Variants in PDE3A observed in about 807,000 individuals in gnomAD.
PDE3A encodes cGMP-inhibited 3',5'-cyclic phosphodiesterase 3A.
In PDE3A, 43 loss-of-function variants were observed where a neutral mutation model predicts 98.3. That is an observed-to-expected ratio of 0.44 (90% CI 0.34 to 0.56). The LOEUF (loss-of-function observed/expected upper bound fraction) is 0.56. Among genes scored for constraint, PDE3A ranks in the 20% least tolerant of loss-of-function variants. The pLI, the probability that PDE3A is intolerant of heterozygous loss-of-function variation, is 0.01. For missense variants in PDE3A, 1,427 were observed against 1,440.7 expected (o/e 0.99, Z 0.15); for synonymous variants, 663 against 567.9 (o/e 1.17, Z -2.38).
chr12:20,638,048 A>G (rs930646875), intron 9 of PDE3A, among the ~76,000 whole-genome samples: 10 of 152,134 alleles, frequency 6.6e-5, no homozygotes, highest in African/African-American at 2.2e-4. Flanking sequence ...AGACCATCAA[A>G]CTTGTGAATA....
At position 20,684,039 on chromosome 12, in the gene PDE3A, T is replaced by G. The variant is rs374312842; in HGVS notation, c.*3768T>G. On this transcript the variant is annotated 3_prime_UTR_variant, in exon 16 of 16. Transcript: ENST00000359062. Reference sequence around the variant, plus strand: ...TTAAATGATGGAAAAATATAAATTATTTTCTAAGTAATAAAAGTATAAAAA... The same window carrying G: ...TTAAATGATGGAAAAATATAAATTAGTTTCTAAGTAATAAAAGTATAAAAA... 6.6e-6 allele frequency: 1 copy of G among 152,242 alleles called. No individual in the cohort carries two copies. Among genetic ancestry groups the G allele is most frequent in the South Asian group, 2.1e-4 (1 of 4,826 alleles). 9.4% of individuals were successfully genotyped at this position (152,242 alleles called of 1,614,324 possible). A position where few individuals can be genotyped will look rare whatever the true frequency, so the allele number is the denominator to read the frequency against.
At chr12:20,461,662 C>T (rs1015330596) in intron 1 of PDE3A, among the ~76,000 whole-genome samples, 2 of 152,070 alleles carry the variant, frequency 1.3e-5, no homozygotes, top group African/African-American at 4.8e-5. Context: ...TTGGGCCCAA[C>T]CCAGTAACTA....
rs569656476 is a variant in PDE3A at position 20,445,073 on chromosome 12, A to G, written c.960+74829A>G. Reference sequence around the variant, plus strand: ...CTGCTAGTAAAATAACTCCAAAGCAAGTGAAACTGGCAGTAATTGCACAAG... The same window carrying G: ...CTGCTAGTAAAATAACTCCAAAGCAGGTGAAACTGGCAGTAATTGCACAAG... On this transcript the variant is annotated intron_variant, in intron 1 of 15. Transcript: ENST00000359062. Among the ~76,000 whole-genome samples the G allele has an allele frequency of 2.0e-5, 3 of 152,312 alleles. No individual in the cohort carries two copies. In the East Asian group the frequency reaches 5.8e-4, roughly 29 times the overall value.
At chr12:20,630,649 T>C (rs1944357008) in intron 6 of PDE3A, among the ~76,000 whole-genome samples, 1 of 152,192 alleles carries the variant, frequency 6.6e-6, no homozygotes, top group African/African-American at 2.4e-5. Flanking sequence ...TTCTATCATG[T>C]TGAAACAAAA....
At chr12:20,614,414 G>GTTAT (rs1943948881) in intron 3 of PDE3A, among the ~76,000 whole-genome samples, 1 of 151,784 alleles carries the variant, frequency 6.6e-6, no homozygotes, top group Non-Finnish European at 1.5e-5. Context: ...ATTCAGCACA[G>GTTAT]TTATTTATTT....
At chr12:20,650,321 C>T in intron 13 of PDE3A, 124 bp from the exon 14 acceptor site, 2 of 498,756 alleles carry the variant, frequency 4.0e-6, no homozygotes, top group South Asian at 5.0e-5. Context: ...CTAGAGGTTC[C>T]CAATTATTTG....
intron 1 of PDE3A, among the ~76,000 whole-genome samples, chr12:20,452,007 T>A (rs1217585613): frequency 6.6e-6 from 1 of 152,190 alleles, no homozygotes; most frequent in Non-Finnish European, 1.5e-5. Flanking sequence ...GAACAGTATC[T>A]CTCATCACCT....
At chr12:20,446,672 A>G (rs1021761830) in intron 1 of PDE3A, among the ~76,000 whole-genome samples, 20 of 152,170 alleles carry the variant, frequency 1.3e-4, no homozygotes, top group African/African-American at 4.6e-4. Flanking sequence ...AGTTAACAAT[A>G]GGTAAATCTT....
chr12:20,468,673 A>G (rs565099078), intron 1 of PDE3A, among the ~76,000 whole-genome samples: 1 of 152,106 alleles, frequency 6.6e-6, no homozygotes, highest in Non-Finnish European at 1.5e-5. Context: ...TAATTATTTC[A>G]CTGTGGTTAT....
chr12:20,573,845 A>G (rs1942863485), intron 2 of PDE3A, among the ~76,000 whole-genome samples: 1 of 152,130 alleles, frequency 6.6e-6, no homozygotes, highest in Non-Finnish European at 1.5e-5. Context: ...AAATAACTAC[A>G]AGGTCAATCT....
At chr12:20,583,746 A>G (rs1262911251) in intron 2 of PDE3A, among the ~76,000 whole-genome samples, 1 of 152,208 alleles carries the variant, frequency 6.6e-6, no homozygotes, top group Admixed American at 6.5e-5. Flanking sequence ...TATTTAATTT[A>G]CTGTTACTAA....
At chr12:20,426,806 T>C (rs1447284521) in intron 1 of PDE3A, among the ~76,000 whole-genome samples, 3 of 152,222 alleles carry the variant, frequency 2.0e-5, no homozygotes, top group African/African-American at 4.8e-5. Flanking sequence ...TTCCTGTATA[T>C]GGCCGAAGCT....
At chr12:20,571,900 G>A in intron 2 of PDE3A, 2 of 1,048,540 alleles carry the variant, frequency 1.9e-6, no homozygotes, top group Non-Finnish European at 2.3e-6. Flanking sequence ...CCCATAAGTT[G>A]TTCAGGAAAT....
chr12:20,388,655 G>T (rs1943856288), intron 1 of PDE3A, among the ~76,000 whole-genome samples: 1 of 151,894 alleles, frequency 6.6e-6, no homozygotes, highest in African/African-American at 2.4e-5. Flanking sequence ...AATGATTTTT[G>T]TTTAAAGTAA....
intron 1 of PDE3A, among the ~76,000 whole-genome samples, chr12:20,492,568 A>G (rs989181489): frequency 6.6e-6 from 1 of 152,138 alleles, no homozygotes; most frequent in African/African-American, 2.4e-5. Flanking sequence ...ACTAGGACCA[A>G]AGGCACGAGG....
chr12:20,549,952 T>A (rs1243373255), intron 1 of PDE3A, among the ~76,000 whole-genome samples: 1 of 152,174 alleles, frequency 6.6e-6, no homozygotes, highest in African/African-American at 2.4e-5. Flanking sequence ...GATCTTATCT[T>A]CTGGAGTAAA....
chr12:20,434,153 T>C (rs1944742361), intron 1 of PDE3A, among the ~76,000 whole-genome samples: 1 of 149,934 alleles, frequency 6.7e-6, no homozygotes, highest in South Asian at 2.1e-4. Flanking sequence ...AAATCAAGGC[T>C]TTACTATTGA....
At chr12:20,500,589 A>G (rs1387030137) in intron 1 of PDE3A, among the ~76,000 whole-genome samples, 2 of 151,322 alleles carry the variant, frequency 1.3e-5, no homozygotes, top group African/African-American at 4.9e-5. Context: ...TTTTTTTTCT[A>G]TGTTTGTTAT....
chr12:20,371,495 G>A, intron 1 of PDE3A: 1 of 972,132 alleles, frequency 1.0e-6, no homozygotes, highest in Non-Finnish European at 1.2e-6. Flanking sequence ...TTCTTTTTAG[G>A]TTATTCTGTG....
Sources: allele counts gnomAD v4.1 joint callset (sites outside exome capture counted in the v4.1 genomes callset), GRCh38; gene constraint gnomAD v4.1.1; transcripts MANE v1.5; gene names NCBI Gene and HGNC (gene_info 2026-07-23, HGNC 2026-07-21).